Variants in LHX3 observed in about 807,000 individuals in gnomAD.
LHX3 encodes the protein LIM/homeobox protein Lhx3.
LHX3 carries 21 observed loss-of-function variants against 32.4 expected under a neutral mutation model. The ratio of observed to expected loss-of-function variants is 0.65; its 90% CI spans 0.46 to 0.93. LHX3 has a LOEUF of 0.93. Ranked by LOEUF, LHX3 falls within the 40% of genes least tolerant of loss-of-function variation. The pLI is 0.00. For synonymous variants in LHX3, 258 were observed against 246.8 expected, an observed-to-expected ratio of 1.05 and a Z score of -0.43; for missense variants, 626 against 560.0, an observed-to-expected ratio of 1.12 and a Z score of -1.19.
At chr9:136,201,228 A>C in intron 1 of LHX3, 1 of 1,278,286 alleles carries the variant, frequency 7.8e-7, no homozygotes, top group Non-Finnish European at 9.8e-7. Flanking sequence ...CTTTCTAGGG[A>C]CTCCTCGCAA....
intron 1 of LHX3, chr9:136,201,348 C>A: frequency 8.0e-7 from 1 of 1,244,642 alleles, no homozygotes; most frequent in South Asian, 3.9e-5. Context: ...CTGGACAAGC[C>A]GATCCACTGC....
chr9:136,197,763 T>G lies in LHX3; in HGVS notation c.776-20A>C. ...GCTCATCTGCAACAGAAGCAGAGGC[T>G]CAGTCAGCGCCTGCCCTCCACCTGC... On this transcript the variant is annotated intron_variant, in intron 5 of 5. Transcript: ENST00000371748. 1 of 1,598,436 alleles carries G rather than the reference T, an allele frequency of 6.3e-7. No individual in the cohort carries two copies. The highest frequency in any genetic ancestry group is 1.3e-5 in the African/African-American group (1 of 75,024).
At chr9:136,203,643 G>C (rs1588628622) in intron 1 of LHX3, among the ~76,000 whole-genome samples, 1 of 152,238 alleles carries the variant, frequency 6.6e-6, no homozygotes, top group Non-Finnish European at 1.5e-5. Flanking sequence ...GATGCTAACA[G>C]GCTTCTGGGC....
chr9:136,198,843 G>A (rs887601495), intron 4 of LHX3, 23 bp from the exon 5 acceptor site: 1 of 1,599,036 alleles, frequency 6.3e-7, no homozygotes. Flanking sequence ...CGGGGTGAGC[G>A]GCCGCCCGGC....
At chr9:136,201,605 C>G in intron 1 of LHX3, 1 of 1,012,068 alleles carries the variant, frequency 9.9e-7, no homozygotes, top group African/African-American at 1.7e-5. Flanking sequence ...CTGAAGGGAC[C>G]GGGATTTACT....
intron 1 of LHX3, among the ~76,000 whole-genome samples, chr9:136,204,140 G>A (rs1831706178): frequency 6.6e-6 from 1 of 152,244 alleles, no homozygotes; most frequent in South Asian, 2.1e-4. Flanking sequence ...TGTCCACTCT[G>A]CCTATGGCTT....
Position 136,203,972 on chromosome 9 carries a change from C to G in LHX3, c.79+962G>C, listed in dbSNP as rs557790284. On this transcript the variant is annotated intron_variant, in intron 1 of 5. Coordinates refer to ENST00000371748, the MANE Select transcript of LHX3 (RefSeq NM_178138.6). ...CCAGCACCAGCCCTGGGCAGCCACCCGGGGAAGAACACAGCAGTGGGTGGC... is the reference window on the plus strand; with the variant it reads ...CCAGCACCAGCCCTGGGCAGCCACCGGGGGAAGAACACAGCAGTGGGTGGC... 5.9e-5 allele frequency among the ~76,000 whole-genome samples: 9 copies of G among 152,338 alleles called. No homozygotes were observed. The South Asian group carries it at 1.2e-3, about 21-fold the overall frequency.
At chr9:136,200,495 G>A (rs1831613112) in intron 2 of LHX3, 87 bp downstream of exon 2, 5 of 1,418,520 alleles carry the variant, frequency 3.5e-6, no homozygotes, top group East Asian at 2.4e-5. Flanking sequence ...AGGCTTCGAG[G>A]GCCTGGCCTT....
chr9:136,198,625 C>T (rs567314082), intron 5 of LHX3, 27 bp downstream of exon 5: 2 of 1,559,624 alleles, frequency 1.3e-6, no homozygotes, highest in African/African-American at 1.4e-5. Context: ...CTCGTCCCCC[C>T]CCGAGCTCCG....
Position 136,196,637 on chromosome 9 carries a change from A to G in LHX3, c.*688T>C, listed in dbSNP as rs1218803390. The G allele has an allele frequency of 6.5e-6, 1 of 152,878 alleles. No homozygotes were observed. Among genetic ancestry groups the G allele is most frequent in the Non-Finnish European group, 1.5e-5 (1 of 68,204 alleles). 9.5% of individuals were successfully genotyped at this position (152,878 alleles called of 1,614,324 possible). ...GTGAGGAGGAGACCCTGAGGGGCTT[A>G]GAGAATTGAGCTTGGAGAGAAGGGG... On this transcript the variant is annotated 3_prime_UTR_variant, in exon 6 of 6. Transcript: ENST00000371748.
rs1479830215 is a variant in LHX3, at chr9:136,198,936, T to TCGA, written c.577_578insTCG (p.Ser192_Glu193insVal). 12 of 1,589,034 alleles carry TCGA rather than the reference T, an allele frequency of 7.6e-6. No individual in the cohort carries two copies. Among genetic ancestry groups the TCGA allele is most frequent in the Non-Finnish European group, 1.0e-5 (12 of 1,172,016 alleles). On this transcript the variant is annotated inframe_insertion, in exon 4 of 6. Coordinates refer to ENST00000371748, the MANE Select transcript of LHX3 (RefSeq NM_178138.6). The stretch of plus-strand genomic sequence containing the variant: ...CACCACGCGCATGTCCAGGCCCGTC[T>TCGA]CGGACGAGAGCTGCTCGCGCACGTG...
rs1330176791 is a variant in LHX3, at chr9:136,199,885, G to A, written c.252-5C>T. On this transcript the variant is annotated splice_region_variant and splice_polypyrimidine_tract_variant and intron_variant, in intron 2 of 5. Coordinates refer to ENST00000371748, the MANE Select transcript of LHX3 (RefSeq NM_178138.6). ...GCGCACTTGGTCCCGAAGCGCCTGC[G>A]GGACGCACAGGGCCGGGCTCAGCGC... is the stretch of plus-strand genomic sequence containing the variant. 2.5e-6 allele frequency: 4 copies of A among 1,578,184 alleles called. No individual in the cohort carries two copies. Among genetic ancestry groups the A allele is most frequent in the East Asian group, 2.4e-5 (1 of 42,526 alleles).
Position 136,197,361 on chromosome 9 carries a change from G to A in LHX3, c.1158C>T (p.Ala386=), listed in dbSNP as rs1831514780. The part of the protein sequence containing the change: ...GGYPDFPASP[A]SWLDEVDHAQ... ...CGTGGTCTACCTCATCCAGCCAGGAGGCGGGGCTGGCAGGGAAGTCGGGGT... is the reference window on the plus strand; with the variant it reads ...CGTGGTCTACCTCATCCAGCCAGGAAGCGGGGCTGGCAGGGAAGTCGGGGT... The change falls in exon 6 of 6, where the codon GCC becomes GCT. Residue 386 remains alanine, a synonymous_variant. Transcript: ENST00000371748. 3 of 1,612,200 alleles carry A rather than the reference G, an allele frequency of 1.9e-6. No homozygotes were observed. The African/African-American group carries it at 4.0e-5, about 21-fold the overall frequency.
Position 136,205,013 on chromosome 9 carries a change from C to T in LHX3, c.-1G>A. On this transcript the variant is annotated 5_prime_UTR_variant, in exon 1 of 6. Transcript: ENST00000371748. ...GCTCGAGCCCCGTTTCCAGCAGCAT[C>T]GCGGCCACCAGGCCGAGTGGCGCGA... 1 of 1,580,454 alleles carries T rather than the reference C, an allele frequency of 6.3e-7. No individual in the cohort carries two copies. Among genetic ancestry groups the T allele is most frequent in the Non-Finnish European group, 8.6e-7 (1 of 1,168,778 alleles).
Position 136,199,024 on chromosome 9 carries a change from TG to T in LHX3, c.489del (p.Ile164SerfsTer9). The T allele has an allele frequency of 6.3e-7, 1 of 1,585,146 alleles. No individual in the cohort carries two copies. Among genetic ancestry groups the T allele is most frequent in the Non-Finnish European group, 8.5e-7 (1 of 1,170,950 alleles). ...AEATAKRPRT[T>X]ITAKQLETLK... is the part of the protein sequence containing the mutation. The stretch of plus-strand genomic sequence containing the variant: ...AGCGTCTCCAGCTGCTTGGCGGTGA[TG>T]GTCGTGCGCGGCCGCTTGGCCGTGG... On this transcript the variant is annotated frameshift_variant, in exon 4 of 6. Coordinates refer to ENST00000371748, the MANE Select transcript of LHX3 (RefSeq NM_178138.6). LOFTEE classifies it high-confidence loss of function.
At chr9:136,203,009 G>C (rs891625870) in intron 1 of LHX3, 1 of 1,523,718 alleles carries the variant, frequency 6.6e-7, no homozygotes, top group African/African-American at 1.4e-5. Flanking sequence ...GCCGACTCCC[G>C]GGCCGGGCCC....
At position 136,205,044 on chromosome 9, in the gene LHX3, G is replaced by A; in HGVS notation, c.-32C>T. 1 of 1,540,704 alleles carries A rather than the reference G, an allele frequency of 6.5e-7. No homozygotes were observed. Among genetic ancestry groups the A allele is most frequent in the Non-Finnish European group, 8.7e-7 (1 of 1,144,064 alleles). On this transcript the variant is annotated 5_prime_UTR_variant, in exon 1 of 6. Coordinates refer to ENST00000371748, the MANE Select transcript of LHX3 (RefSeq NM_178138.6). ...CACCAGGCCGAGTGGCGCGAGACGC[G>A]CTCCTCCTAGGTCAGCGTCCCCTGG... is the stretch of plus-strand genomic sequence containing the variant.
rs768447536 is a variant in LHX3 at position 136,199,874 on chromosome 9, G to T, written c.258C>A (p.Phe86Leu). 6.3e-7 allele frequency: 1 copy of T among 1,590,250 alleles called. No homozygotes were observed. The highest frequency in any genetic ancestry group is 1.1e-5 in the South Asian group (1 of 88,744). ...GCTGGCACGCGGCGCACTTGGTCCC[G>T]AAGCGCCTGCGGGACGCACAGGGCC... ...VYCKDDFFKR[F>L]GTKCAACQLG... The change falls in exon 3 of 6, where the codon TTC becomes TTA. Residue 86 changes from phenylalanine (F) to leucine (L), a missense_variant. Phe to Leu is a conservative substitution (Grantham distance 22). Transcript: ENST00000371748.
chr9:136,198,830 G>A lies in LHX3; in HGVS notation c.607-10C>T. The A allele has an allele frequency of 6.2e-7, 1 of 1,603,270 alleles. No individual in the cohort carries two copies. Among genetic ancestry groups the A allele is most frequent in the South Asian group, 1.1e-5 (1 of 90,760 alleles). Reference sequence around the variant, plus strand: ...GGTTCTGGAACCAAACCTGGGGGCGGGGCGGGGTGAGCGGCCGCCCGGCTC... The same window carrying A: ...GGTTCTGGAACCAAACCTGGGGGCGAGGCGGGGTGAGCGGCCGCCCGGCTC... On this transcript the variant is annotated splice_polypyrimidine_tract_variant and intron_variant, in intron 4 of 5. Transcript: ENST00000371748.
Sources: allele counts gnomAD v4.1 joint callset (sites outside exome capture counted in the v4.1 genomes callset), GRCh38; gene constraint gnomAD v4.1.1; transcripts MANE v1.5; gene names NCBI Gene and HGNC (gene_info 2026-07-23, HGNC 2026-07-21).